DNAH5: variants seen among roughly 807,000 people sequenced by gnomAD.
The protein encoded by DNAH5 is axonemal beta dynein heavy chain 5.
DNAH5 carries 372 observed loss-of-function variants against 518.2 expected under a neutral mutation model. That is an observed-to-expected ratio of 0.72 (90% CI 0.66 to 0.78). The LOEUF (loss-of-function observed/expected upper bound fraction) is 0.78. DNAH5 is among the 30% of genes least tolerant of loss of function. DNAH5 has a pLI of 0.00. For missense variants in DNAH5, 5,523 were observed against 5,687.0 expected (o/e 0.97, Z 0.93); for synonymous variants, 2,039 against 2,025.9 (o/e 1.01, Z -0.17).
intron 49 of DNAH5, 53 bp downstream of exon 49, chr5:13,793,462 C>A: frequency 6.6e-7 from 1 of 1,504,052 alleles, no homozygotes; most frequent in Non-Finnish European, 9.3e-7. Context: ...CAAAAAGGAA[C>A]CCAAGCAGGT....
At chr5:13,765,554 G>A (rs540821700) in intron 59 of DNAH5, among the ~76,000 whole-genome samples, 58 of 152,034 alleles carry the variant, frequency 3.8e-4, no homozygotes, top group African/African-American at 1.3e-3. Flanking sequence ...TCACAAATAG[G>A]TATATACATA....
At chr5:13,846,164 G>A (rs1018639208) in intron 31 of DNAH5, among the ~76,000 whole-genome samples, 4 of 151,946 alleles carry the variant, frequency 2.6e-5, no homozygotes, top group South Asian at 2.1e-4. Flanking sequence ...AGGTTCAGGG[G>A]TTCATGTGCA....
At chr5:13,788,082 A>G (rs1264177363) in intron 51 of DNAH5, among the ~76,000 whole-genome samples, 1 of 152,202 alleles carries the variant, frequency 6.6e-6, no homozygotes, top group African/African-American at 2.4e-5. Context: ...GAAAAGTCAT[A>G]TATCTCAATT....
In DNAH5 at chr5:13,754,348, G is replaced by C; in HGVS notation, c.10420-10C>G. ...CATCTTCAAGCAAGGTCTAACAAAG[G>C]TCATAATCACAAGAAAGCTTTTACT... is the stretch of plus-strand genomic sequence containing the variant. On this transcript the variant is annotated splice_polypyrimidine_tract_variant and intron_variant, in intron 61 of 78. Coordinates refer to ENST00000265104, the MANE Select transcript of DNAH5 (RefSeq NM_001369.3). The C allele has an allele frequency of 6.2e-7, 1 of 1,613,966 alleles. No homozygotes were observed. The highest frequency in any genetic ancestry group is 8.5e-7 in the Non-Finnish European group (1 of 1,179,916).
At chr5:13,887,934 A>G (rs1470585308) in intron 17 of DNAH5, among the ~76,000 whole-genome samples, 1 of 152,130 alleles carries the variant, frequency 6.6e-6, no homozygotes, top group African/African-American at 2.4e-5. Context: ...CTACATGACT[A>G]TAGCCACCTC....
At chr5:13,961,514 G>A (rs139223582) in intron 1 of DNAH5, among the ~76,000 whole-genome samples, 1,566 of 152,070 alleles carry the variant, frequency 0.01, 12 homozygotes, top group South Asian at 0.024. Context: ...TGTGGTGGCG[G>A]GCACCTGTAA....
Position 13,758,829 on chromosome 5 carries a change from T to C in DNAH5, c.10419+17A>G. On this transcript the variant is annotated intron_variant, in intron 61 of 78. Transcript: ENST00000265104. ...TGTAGATATGTGACAGTCCCTGCCA[T>C]GACAAAGGGCAGTTACCTGCTTTTC... The C allele has an allele frequency of 6.2e-7, 1 of 1,613,704 alleles. No homozygotes were observed. The highest frequency in any genetic ancestry group is 1.1e-5 in the South Asian group (1 of 91,064).
At chr5:13,732,970 A>G (rs962818699) in intron 68 of DNAH5, among the ~76,000 whole-genome samples, 13 of 152,230 alleles carry the variant, frequency 8.5e-5, no homozygotes, top group African/African-American at 2.9e-4. Flanking sequence ...AAACTGTTTC[A>G]TAAAGCAGTG....
chr5:13,828,777 A>C (rs149703215), intron 38 of DNAH5, among the ~76,000 whole-genome samples: 22 of 152,336 alleles, frequency 1.4e-4, no homozygotes, highest in Non-Finnish European at 8.8e-5. Flanking sequence ...TTCTGCTAAC[A>C]ACCTGAGTGA....
In DNAH5 at chr5:13,976,710, T is replaced by TATATATATATATATAC. The variant is rs780402172; in HGVS notation, c.12+34937_12+34938insGTATATATATATATAT. Among the ~76,000 whole-genome samples the TATATATATATATATAC allele has an allele frequency of 4.2e-4, 56 of 133,070 alleles. No individual in the cohort carries two copies. The East Asian group carries it at 4.5e-3, about 11-fold the overall frequency. 87.3% of individuals were successfully genotyped at this position (133,070 alleles called of 152,430 possible). On this transcript the variant is annotated intron_variant, in intron 1 of 78. Transcript: ENST00000681290. ...GTGTGTATATATATATATATATATA[T>TATATATATATATATAC]ACACACACACACATACACACACACA...
chr5:13,776,151 G>A (rs116242140), intron 55 of DNAH5, among the ~76,000 whole-genome samples: 1 of 152,152 alleles, frequency 6.6e-6, no homozygotes, highest in South Asian at 2.1e-4. Context: ...TTTTGTCAAG[G>A]ACAGAAACCA....
In DNAH5 at chr5:13,990,737, C is replaced by T. The variant is rs1352399788; in HGVS notation, c.12+20911G>A. On this transcript the variant is annotated intron_variant, in intron 1 of 78. Transcript: ENST00000681290. ...ACAAAATTAGCCAGGCATGGTGGCGCGTGGCTGTAATCCCAGCTACTTGGG... is the reference window on the plus strand; with the variant it reads ...ACAAAATTAGCCAGGCATGGTGGCGTGTGGCTGTAATCCCAGCTACTTGGG... Among the ~76,000 whole-genome samples, 6 of 150,832 alleles carry T rather than the reference C, an allele frequency of 4.0e-5. No homozygotes were observed. The East Asian group carries it at 9.9e-4, about 25-fold the overall frequency.
chr5:13,805,899 T>C lies in DNAH5; in HGVS notation c.7887+1692A>G, dbSNP rs991351263. ...CCTGAGCTTGTGGCTGGTGTCTGAG[T>C]GAGGGCAGTCTTGTGGGGACTCGGC... On this transcript the variant is annotated intron_variant, in intron 47 of 78. Coordinates refer to ENST00000265104, the MANE Select transcript of DNAH5 (RefSeq NM_001369.3). 2.0e-5 allele frequency among the ~76,000 whole-genome samples: 3 copies of C among 152,116 alleles called. No homozygotes were observed. In the East Asian group the frequency reaches 5.8e-4, roughly 29 times the overall value.
intron 56 of DNAH5, among the ~76,000 whole-genome samples, chr5:13,770,180 C>T (rs180704050): frequency 9.9e-5 from 15 of 152,236 alleles, no homozygotes; most frequent in East Asian, 7.7e-4. Flanking sequence ...ATTCTAGCCA[C>T]GCTCAGGAAG....
chr5:13,864,687 T>C (rs1580652675), intron 27 of DNAH5, 50 bp from the exon 28 acceptor site: 4 of 1,605,074 alleles, frequency 2.5e-6, no homozygotes, highest in East Asian at 4.5e-5. Context: ...ATGGTAGACA[T>C]CACTGGACCA....
At chr5:13,753,739 T>A (rs1186938738) in intron 62 of DNAH5, among the ~76,000 whole-genome samples, 190 bp from the exon 63 acceptor site, 1 of 152,192 alleles carries the variant, frequency 6.6e-6, no homozygotes, top group Non-Finnish European at 1.5e-5. Context: ...AAGGTCCAAG[T>A]GGCCTACCAA....
intron 61 of DNAH5, among the ~76,000 whole-genome samples, chr5:13,757,011 T>A (rs1751085444): frequency 6.6e-6 from 1 of 152,214 alleles, no homozygotes; most frequent in Non-Finnish European, 1.5e-5. Context: ...TCCAGTTCCA[T>A]CTAGGTTCCT....
intron 1 of DNAH5, among the ~76,000 whole-genome samples, chr5:14,010,413 T>C (rs1355909165): frequency 2.0e-5 from 3 of 152,198 alleles, no homozygotes; most frequent in African/African-American, 7.2e-5. Flanking sequence ...CTAATAGCCA[T>C]GCTTTATATC....
intron 60 of DNAH5, among the ~76,000 whole-genome samples, chr5:13,759,547 G>A (rs1451247712): frequency 6.6e-6 from 1 of 152,144 alleles, no homozygotes; most frequent in Non-Finnish European, 1.5e-5. Context: ...AAATATCTAC[G>A]TTTTGTGTAT....
Sources: gnomAD v4.1 joint callset for allele counts (sites outside exome capture counted in the v4.1 genomes callset) on GRCh38, gnomAD v4.1.1 for gene constraint, MANE v1.5 for transcripts, NCBI Gene and HGNC (gene_info 2026-07-23, HGNC 2026-07-21) for gene names.